The following COX10 variants were observed in gnomAD, a reference collection of about 807,000 sequenced individuals.
The protein encoded by COX10 is protoheme IX farnesyltransferase, mitochondrial.
A neutral mutation model predicts 37.3 loss-of-function variants in COX10; 27 were observed. That is an observed-to-expected ratio of 0.72 (90% CI 0.53 to 1.00). The LOEUF is 1.00. COX10 is among the 50% of genes least tolerant of loss of function. The pLI is 0.00. For synonymous variants in COX10, 222 were observed against 229.1 expected, an observed-to-expected ratio of 0.97 and a Z score of 0.28; for missense variants, 475 against 563.2, an observed-to-expected ratio of 0.84 and a Z score of 1.59.
intron 4 of COX10, among the ~76,000 whole-genome samples, chr17:14,148,434 T>G (rs1201165470): frequency 6.6e-6 from 1 of 152,208 alleles, no homozygotes; most frequent in African/African-American, 2.4e-5. Context: ...TTTTTTTTGT[T>G]TTTAACATCC....
chr17:14,172,578 C>CTTTTTTTTTTTTTT (rs57560461), intron 5 of COX10, among the ~76,000 whole-genome samples: 2 of 105,630 alleles, frequency 1.9e-5, no homozygotes, highest in African/African-American at 6.8e-5. Flanking sequence ...TTTTCTTTTT[C>CTTTTTTTTTTTTTT]TTTTTTTTTT....
intron 3 of COX10, among the ~76,000 whole-genome samples, chr17:14,081,634 G>A (rs960719706): frequency 2.0e-5 from 3 of 152,094 alleles, no homozygotes; most frequent in Non-Finnish European, 4.4e-5. Flanking sequence ...TAATCTCACC[G>A]GCCTCAGTTT....
intron 1 of COX10, among the ~76,000 whole-genome samples, chr17:14,072,346 G>A (rs1307093597): frequency 6.6e-6 from 1 of 152,082 alleles, no homozygotes; most frequent in Admixed American, 6.6e-5. Flanking sequence ...TCAGCCTCCT[G>A]AGTAGCTGGG....
chr17:14,204,661 A>G (rs1906641043), intron 6 of COX10, among the ~76,000 whole-genome samples: 1 of 151,986 alleles, frequency 6.6e-6, no homozygotes, highest in Admixed American at 6.6e-5. Context: ...TCCTTCACAA[A>G]TAGTATCACT....
intron 4 of COX10, among the ~76,000 whole-genome samples, chr17:14,141,060 C>A (rs1597517510): frequency 6.6e-6 from 1 of 151,746 alleles, no homozygotes; most frequent in South Asian, 2.1e-4. Context: ...TTTGCGTAAT[C>A]ATGAGTTACG....
In COX10 at chr17:14,152,526, C is replaced by T. The variant is rs149704833; in HGVS notation, c.625-7351C>T. ...ATTTGGGTGGGGACACAGAGCCAAA[C>T]CATATCAGGCTGATGTAGGGGTTAG... On this transcript the variant is annotated intron_variant, in intron 4 of 6. Coordinates refer to ENST00000261643, the MANE Select transcript of COX10 (RefSeq NM_001303.4). 6.9e-3 allele frequency among the ~76,000 whole-genome samples: 1,052 copies of T among 152,268 alleles called. 7 individuals are homozygous for T. The highest frequency in any genetic ancestry group is 0.01 in the Non-Finnish European group (701 of 68,024).
At chr17:14,085,554 A>C (rs1157695670) in intron 3 of COX10, among the ~76,000 whole-genome samples, 1 of 152,144 alleles carries the variant, frequency 6.6e-6, no homozygotes, top group Non-Finnish European at 1.5e-5. Context: ...TTTTTCTCAA[A>C]GTTAGCTGTA....
chr17:14,072,808 A>C (rs760036290), intron 1 of COX10, among the ~76,000 whole-genome samples: 1 of 152,186 alleles, frequency 6.6e-6, no homozygotes, highest in East Asian at 1.9e-4. Context: ...TGTGTGGGCT[A>C]TCTAGTCATC....
chr17:14,135,583 A>T (rs1404797886), intron 4 of COX10, among the ~76,000 whole-genome samples: 1 of 151,914 alleles, frequency 6.6e-6, no homozygotes, highest in Non-Finnish European at 1.5e-5. Context: ...CACTTTGAGA[A>T]ACACTTAATA....
At chr17:14,122,548 G>C (rs1916254481) in intron 4 of COX10, among the ~76,000 whole-genome samples, 2 of 151,834 alleles carry the variant, frequency 1.3e-5, no homozygotes, top group African/African-American at 4.8e-5. Context: ...ACTTTTATTT[G>C]CTATTAAATG....
rs149683688 is a variant in COX10 at position 14,140,705 on chromosome 17, C to T, written c.625-19172C>T. 3.5e-3 allele frequency among the ~76,000 whole-genome samples: 527 copies of T among 152,118 alleles called. 4 individuals carry two copies. The highest frequency in any genetic ancestry group is 0.012 in the African/African-American group (499 of 41,528). ...TTTTACATTCTAATAGTAACCTCAT[C>T]GACCTGTTAAAAGGCAATATAAGAT... On this transcript the variant is annotated intron_variant, in intron 4 of 6. Transcript: ENST00000261643.
At chr17:14,142,719 T>C (rs1367983088) in intron 4 of COX10, among the ~76,000 whole-genome samples, 1 of 152,236 alleles carries the variant, frequency 6.6e-6, no homozygotes, top group African/African-American at 2.4e-5. Context: ...CAGTTTGCTA[T>C]TAAAAAGAGA....
intron 5 of COX10, among the ~76,000 whole-genome samples, chr17:14,187,636 G>A (rs1906072144): frequency 6.6e-6 from 1 of 152,126 alleles, no homozygotes; most frequent in African/African-American, 2.4e-5. Flanking sequence ...TGAATTGGAT[G>A]TATATTACTT....
rs143899857 is a variant in COX10 at position 14,105,892 on chromosome 17, CAT to C, written c.624+3653_624+3654del. ...CTTCATATATATAACATATATAAAA[CAT>C]ATTTAACATGGATATCTTCACATAT... is the stretch of plus-strand genomic sequence containing the variant. On this transcript the variant is annotated intron_variant, in intron 4 of 6. Transcript: ENST00000261643. 1.0e-2 allele frequency among the ~76,000 whole-genome samples: 1,520 copies of C among 152,076 alleles called. 21 individuals are homozygous for C. The highest frequency in any genetic ancestry group is 0.035 in the African/African-American group (1,431 of 41,470).
intron 5 of COX10, among the ~76,000 whole-genome samples, chr17:14,161,658 A>G (rs1386015175): frequency 1.3e-5 from 2 of 152,136 alleles, no homozygotes; most frequent in Non-Finnish European, 2.9e-5. Flanking sequence ...CAGATAAAGA[A>G]AGTGAATTGG....
chr17:14,170,427 T>A (rs1382433258), intron 5 of COX10, among the ~76,000 whole-genome samples: 1 of 107,740 alleles, frequency 9.3e-6, no homozygotes, highest in African/African-American at 3.0e-5. Context: ...TATCATGGTC[T>A]GATGAAAAAT....
rs759643676 is a variant in COX10, at chr17:14,074,320, T to C, written c.44-3T>C. ...CTTTCTTCCACTTCTCTCTCTATTA[T>C]AGGTTGCGTAGGAGGCTCTGTCTGG... On this transcript the variant is annotated splice_region_variant and splice_polypyrimidine_tract_variant and intron_variant, in intron 1 of 6. Transcript: ENST00000261643. 4.2e-5 allele frequency: 67 copies of C among 1,613,972 alleles called. 1 individual carries two copies. In the East Asian group the frequency reaches 1.5e-3, roughly 35 times the overall value.
chr17:14,205,553 C>T (rs530990608), intron 6 of COX10, among the ~76,000 whole-genome samples: 13 of 152,280 alleles, frequency 8.5e-5, no homozygotes, highest in South Asian at 2.1e-4. Flanking sequence ...GTGCCTAGCA[C>T]GGTGCTTACC....
intron 4 of COX10, among the ~76,000 whole-genome samples, chr17:14,113,873 A>AATATCAGC (rs1323161388): frequency 6.6e-6 from 1 of 152,170 alleles, no homozygotes; most frequent in African/African-American, 2.4e-5. Flanking sequence ...AAGTCTATTG[A>AATATCAGC]ATATCAGCAC....
Sources: gnomAD v4.1 joint callset for allele counts (sites outside exome capture counted in the v4.1 genomes callset) on GRCh38, gnomAD v4.1.1 for gene constraint, MANE v1.5 for transcripts, NCBI Gene and HGNC (gene_info 2026-07-23, HGNC 2026-07-21) for gene names.